Variants in ZNF182 observed in about 807,000 individuals in gnomAD.
ZNF182 encodes zinc finger protein 21 (KOX 14).
In ZNF182, 10 loss-of-function variants were observed where a neutral mutation model predicts 28.1. That is an observed-to-expected ratio of 0.36 (90% CI 0.22 to 0.60). ZNF182 has a LOEUF of 0.60. Among genes scored for constraint, ZNF182 ranks in the 20% least tolerant of loss-of-function variants. ZNF182 has a pLI of 0.75. For missense variants in ZNF182, 352 were observed against 453.2 expected (o/e 0.78, Z 2.03); for synonymous variants, 156 against 158.7 (o/e 0.98, Z 0.13).
At chrX:47,987,715 T>C (rs1556899947) in intron 3 of ZNF182, among the ~76,000 whole-genome samples, 1 of 112,111 alleles carries the variant, frequency 8.9e-6, no homozygotes, top group Non-Finnish European at 1.9e-5. Context: ...GATGTAGATA[T>C]ATATGTACAT....
At chrX:47,991,632 C>T (rs1021449586) in intron 3 of ZNF182, among the ~76,000 whole-genome samples, 14 of 111,616 alleles carry the variant, frequency 1.3e-4, no homozygotes, top group African/African-American at 4.6e-4. Context: ...CTCCTCTTTC[C>T]CTGCTCTTCC....
chrX:47,978,792 C>T (rs1458241256), intron 5 of ZNF182, among the ~76,000 whole-genome samples: 4 of 112,634 alleles, frequency 3.6e-5, no homozygotes, highest in African/African-American at 1.3e-4. Context: ...TCCTATATAA[C>T]TTAAATTTTT....
rs1472459733 is a variant in ZNF182, at chrX:47,975,119, TCCTA to T, written c.*1044_*1047del. On this transcript the variant is annotated 3_prime_UTR_variant, in exon 6 of 6. Transcript: ENST00000376943. The stretch of plus-strand genomic sequence containing the variant: ...CAGTCACTGTCCTCAACCTTATTTT[TCCTA>T]CCTAATAACATAAACTGAAGGTTAT... 6.3e-5 allele frequency: 7 copies of T among 111,989 alleles called. No individual in the cohort carries two copies. The highest frequency in any genetic ancestry group is 1.1e-4 in the Non-Finnish European group (6 of 53,212). The allele number at this position is 111,989 out of a possible 1,213,427, so 9.2% of individuals were successfully genotyped here.
At position 48,002,575 on chromosome X, in the gene ZNF182, G is replaced by A; in HGVS notation, c.15+20C>T. The A allele has an allele frequency of 1.7e-6, 2 of 1,210,791 alleles. No individual in the cohort carries two copies. Among genetic ancestry groups the A allele is most frequent in the Non-Finnish European group, 2.2e-6 (2 of 894,906 alleles). On this transcript the variant is annotated intron_variant, in intron 3 of 5. Transcript: ENST00000376943. ...ATCCACAGTAAAATAGAGGAATGAA[G>A]AAACAGACAACATACTTACCTGGGG...
chrX:47,978,785 T>C (rs953540471), intron 5 of ZNF182, among the ~76,000 whole-genome samples: 3 of 112,825 alleles, frequency 2.7e-5, no homozygotes, highest in Non-Finnish European at 3.7e-5. Context: ...CTGATCTTCC[T>C]ATATAACTTA....
chrX:47,977,856 T>C, intron 5 of ZNF182, 59 bp from the exon 6 acceptor site: 1 of 1,000,696 alleles, frequency 1.0e-6, no homozygotes, highest in Admixed American at 3.7e-5. Context: ...GGACCTTCTT[T>C]AGAATTATTC....
intron 3 of ZNF182, 135 bp from the exon 4 acceptor site, chrX:47,983,546 T>C (rs1490176601): frequency 2.9e-6 from 2 of 688,682 alleles, no homozygotes; most frequent in Non-Finnish European, 4.2e-6. Flanking sequence ...ATCAAGTTAG[T>C]GATCTACTTT....
chrX:47,991,343 C>T (rs1202339280), intron 3 of ZNF182, among the ~76,000 whole-genome samples: 1 of 111,878 alleles, frequency 8.9e-6, no homozygotes, highest in Non-Finnish European at 1.9e-5. Context: ...GGACTTCCAG[C>T]CTCCACAGCT....
chrX:47,996,840 C>T (rs931433123), intron 3 of ZNF182, among the ~76,000 whole-genome samples: 2 of 111,945 alleles, frequency 1.8e-5, no homozygotes, highest in Admixed American at 1.9e-4. Context: ...TGGGAGGGCA[C>T]AGCAAGAAGG....
intron 3 of ZNF182, among the ~76,000 whole-genome samples, chrX:48,002,194 C>G (rs1439485370): frequency 8.9e-6 from 1 of 112,058 alleles, no homozygotes; most frequent in Non-Finnish European, 1.9e-5. Context: ...TAGCACATAT[C>G]TGCAGGAAAG....
At chrX:47,985,847 T>C (rs782118616) in intron 3 of ZNF182, among the ~76,000 whole-genome samples, 1 of 111,342 alleles carries the variant, frequency 9.0e-6, no homozygotes, top group Non-Finnish European at 1.9e-5. Context: ...AATGATTCCA[T>C]TAAACTGGAA....
At chrX:47,998,580 G>C (rs1290701358) in intron 3 of ZNF182, among the ~76,000 whole-genome samples, 1 of 112,609 alleles carries the variant, frequency 8.9e-6, no homozygotes, top group Non-Finnish European at 1.9e-5. Context: ...GAGGAGGCCG[G>C]GTGTGGTGGC....
chrX:47,986,490 T>C (rs2058923829), intron 3 of ZNF182, among the ~76,000 whole-genome samples: 1 of 112,530 alleles, frequency 8.9e-6, no homozygotes, highest in Admixed American at 9.4e-5. Flanking sequence ...GGGATAGCTG[T>C]ATTATGTTAG....
At chrX:47,978,485 C>T (rs1556898663) in intron 5 of ZNF182, among the ~76,000 whole-genome samples, 1 of 112,339 alleles carries the variant, frequency 8.9e-6, no homozygotes, top group African/African-American at 3.2e-5. Flanking sequence ...TCCACATTCT[C>T]AATGAATGAA....
intron 3 of ZNF182, among the ~76,000 whole-genome samples, chrX:47,987,408 C>G (rs2058926862): frequency 8.9e-6 from 1 of 112,416 alleles, no homozygotes; most frequent in Non-Finnish European, 1.9e-5. Context: ...GGTTGAGATC[C>G]TGACATTATC....
intron 3 of ZNF182, among the ~76,000 whole-genome samples, chrX:47,999,108 G>T (rs782677464): frequency 9.0e-6 from 1 of 111,627 alleles, no homozygotes; most frequent in South Asian, 3.7e-4. Context: ...GGCCGGGAGC[G>T]GTGGCTCATG....
intron 4 of ZNF182, 43 bp downstream of exon 4, chrX:47,983,242 A>T: frequency 8.3e-7 from 1 of 1,208,407 alleles, no homozygotes; most frequent in African/African-American, 1.7e-5. Context: ...CATTGGATGC[A>T]ATAATCATAA....
chrX:48,001,070 T>C (rs1037742822), intron 3 of ZNF182, among the ~76,000 whole-genome samples: 9 of 112,390 alleles, frequency 8.0e-5, no homozygotes, highest in Admixed American at 4.7e-4. Flanking sequence ...TATGGAACAA[T>C]TGGAACTCAT....
At chrX:47,996,843 CAAG>C (rs1278517427) in intron 3 of ZNF182, among the ~76,000 whole-genome samples, 1 of 111,998 alleles carries the variant, frequency 8.9e-6, no homozygotes, top group Non-Finnish European at 1.9e-5. Flanking sequence ...GAGGGCACAG[CAAG>C]AAGGTGGCCA....
Sources: allele counts gnomAD v4.1 joint callset (sites outside exome capture counted in the v4.1 genomes callset), GRCh38; gene constraint gnomAD v4.1.1; transcripts MANE v1.5; gene names NCBI Gene and HGNC (gene_info 2026-07-23, HGNC 2026-07-21).